FAT3: variants seen among roughly 807,000 people sequenced by gnomAD.
FAT3 encodes protocadherin Fat 3.
Under a neutral mutation model 310.2 loss-of-function variants are expected in FAT3, and 95 were observed. The observed-to-expected ratio is 0.31, with a 90% confidence interval of 0.26 to 0.36. FAT3 has a LOEUF of 0.36. FAT3 is among the 10% of genes least tolerant of loss of function. The probability of loss-of-function intolerance (pLI) is 1.00; values close to 1 mark genes in which losing one functional copy is unlikely to be tolerated. For synonymous variants in FAT3, 2,314 were observed against 2,192.9 expected, an observed-to-expected ratio of 1.06 and a Z score of -1.54; for missense variants, 5,408 against 5,715.6, an observed-to-expected ratio of 0.95 and a Z score of 1.74.
chr11:92,606,871 G>T (rs513064), intron 3 of FAT3, among the ~76,000 whole-genome samples: 85,313 of 151,974 alleles, frequency 0.56, 25,366 homozygotes, highest in African/African-American at 0.76. Flanking sequence ...CTTCCATTTT[G>T]TATCATCTGA....
rs562164895 is a variant in FAT3, at chr11:92,279,889, C to A, written c.-18+54715C>A. 3.9e-5 allele frequency among the ~76,000 whole-genome samples: 6 copies of A among 152,202 alleles called. No homozygotes were observed. In the South Asian group the frequency reaches 1.2e-3, roughly 32 times the overall value. On this transcript the variant is annotated intron_variant, in intron 1 of 27. Coordinates refer to ENST00000525166, the MANE Select transcript of FAT3 (RefSeq NM_001367949.2). Reference sequence around the variant, plus strand: ...AAGATAACTGAGGTTCAGAATATTGCTCCAAGTCTCATGCTAGGTTAGTAG... The same window carrying A: ...AAGATAACTGAGGTTCAGAATATTGATCCAAGTCTCATGCTAGGTTAGTAG...
intron 2 of FAT3, among the ~76,000 whole-genome samples, chr11:92,420,390 GA>G (rs948177684): frequency 6.6e-6 from 1 of 152,180 alleles, no homozygotes; most frequent in Non-Finnish European, 1.5e-5. Flanking sequence ...TGCAGTGGTA[GA>G]AAAGGCTGAA....
intron 22 of FAT3, among the ~76,000 whole-genome samples, chr11:92,869,156 G>A (rs1591834044): frequency 1.3e-5 from 2 of 152,280 alleles, no homozygotes; most frequent in South Asian, 2.1e-4. Context: ...GGGGACTTAC[G>A]TTTTCCTAAA....
At chr11:92,834,729 T>G (rs1948354540) in intron 14 of FAT3, 141 bp from the exon 15 acceptor site, 5 of 716,944 alleles carry the variant, frequency 7.0e-6, no homozygotes, top group Non-Finnish European at 1.1e-5. Flanking sequence ...TGTAATACTT[T>G]CAGTAAGGCA....
At chr11:92,448,261 C>A (rs552800190) in intron 2 of FAT3, among the ~76,000 whole-genome samples, 1 of 152,228 alleles carries the variant, frequency 6.6e-6, no homozygotes, top group Non-Finnish European at 1.5e-5. Context: ...ATCTCAAAGG[C>A]TGAATGGTCA....
chr11:92,586,290 A>T (rs1041065556), intron 3 of FAT3, among the ~76,000 whole-genome samples: 1 of 151,982 alleles, frequency 6.6e-6, no homozygotes, highest in Non-Finnish European at 1.5e-5. Context: ...TCCTGGGAGG[A>T]GTGGCACCTC....
intron 4 of FAT3, among the ~76,000 whole-genome samples, chr11:92,727,536 A>G (rs570368592): frequency 6.6e-6 from 1 of 152,214 alleles, no homozygotes; most frequent in Non-Finnish European, 1.5e-5. Flanking sequence ...TAAAAATTAT[A>G]TAATAGAAAA....
chr11:92,297,921 A>G (rs193241606), intron 1 of FAT3, among the ~76,000 whole-genome samples: 1 of 152,272 alleles, frequency 6.6e-6, no homozygotes, highest in Admixed American at 6.5e-5. Context: ...GGATGGCAGT[A>G]ATTTGAAAGA....
chr11:92,566,826 C>G (rs1955470972), intron 3 of FAT3, among the ~76,000 whole-genome samples: 1 of 152,190 alleles, frequency 6.6e-6, no homozygotes, highest in African/African-American at 2.4e-5. Flanking sequence ...GGAAAACTGG[C>G]TGGCCATATG....
chr11:92,382,491 G>A (rs1305839592), intron 2 of FAT3, among the ~76,000 whole-genome samples: 2 of 152,042 alleles, frequency 1.3e-5, no homozygotes, highest in Admixed American at 1.3e-4. Context: ...CTTTCCTGAC[G>A]GGAGATCATT....
intron 4 of FAT3, among the ~76,000 whole-genome samples, chr11:92,746,929 G>A (rs376274362): frequency 2.2e-4 from 34 of 152,338 alleles, no homozygotes; most frequent in African/African-American, 8.2e-4. Context: ...CCACTCCTGT[G>A]GCTTTGCAGG....
chr11:92,321,064 T>G (rs1281419331), intron 1 of FAT3, among the ~76,000 whole-genome samples: 1 of 152,052 alleles, frequency 6.6e-6, no homozygotes, highest in Admixed American at 6.6e-5. Context: ...ATTGTATAAT[T>G]AGGGTAAATT....
At chr11:92,442,030 CCTAAAATAAATGACT>C (rs1408653737) in intron 2 of FAT3, among the ~76,000 whole-genome samples, 1 of 146,506 alleles carries the variant, frequency 6.8e-6, no homozygotes, top group African/African-American at 2.6e-5. Context: ...CTATTGAAGC[CCTAAAATAAATGACT>C]TCCTTTTTAA....
chr11:92,254,933 T>C (rs1231243571), intron 1 of FAT3, among the ~76,000 whole-genome samples: 2 of 152,258 alleles, frequency 1.3e-5, no homozygotes, highest in African/African-American at 2.4e-5. Flanking sequence ...CTTGAACTCC[T>C]GATCTCAGGT....
chr11:92,418,442 A>G lies in FAT3; in HGVS notation c.3292+63038A>G, dbSNP rs1212348714. Among the ~76,000 whole-genome samples, 5 of 35,958 alleles carry G rather than the reference A, an allele frequency of 1.4e-4. No homozygotes were observed. In the East Asian group the frequency reaches 3.6e-3, roughly 26 times the overall value. 23.6% of individuals were successfully genotyped at this position (35,958 alleles called of 152,430 possible). On this transcript the variant is annotated intron_variant, in intron 2 of 27. Coordinates refer to ENST00000525166, the MANE Select transcript of FAT3 (RefSeq NM_001367949.2). ...ACACCCCCCCCACCCCCCCACACAC[A>G]CACAGAGAAAACAAAGATTTCATCA...
intron 3 of FAT3, among the ~76,000 whole-genome samples, chr11:92,671,137 T>G (rs1943116932): frequency 6.6e-6 from 1 of 151,964 alleles, no homozygotes; most frequent in South Asian, 2.1e-4. Flanking sequence ...CTCCGCTTCC[T>G]GGGTTCAAGT....
At chr11:92,712,579 A>G (rs559599539) in intron 4 of FAT3, among the ~76,000 whole-genome samples, 15 of 126,754 alleles carry the variant, frequency 1.2e-4, no homozygotes, top group African/African-American at 5.4e-4. Context: ...AGTAAATATT[A>G]GCTGAATTAA....
intron 2 of FAT3, among the ~76,000 whole-genome samples, chr11:92,524,069 C>T (rs1021474257): frequency 1.6e-4 from 24 of 151,950 alleles, no homozygotes; most frequent in African/African-American, 4.8e-4. Flanking sequence ...ATTTCATTTT[C>T]GGGGAAAAAG....
chr11:92,557,140 C>G (rs1248142452), intron 3 of FAT3, among the ~76,000 whole-genome samples: 1 of 151,816 alleles, frequency 6.6e-6, no homozygotes, highest in Non-Finnish European at 1.5e-5. Context: ...CCTGTACAGC[C>G]CCTCCTCCAT....
Sources: gnomAD v4.1 joint callset for allele counts (sites outside exome capture counted in the v4.1 genomes callset) on GRCh38, gnomAD v4.1.1 for gene constraint, MANE v1.5 for transcripts, NCBI Gene and HGNC (gene_info 2026-07-23, HGNC 2026-07-21) for gene names.